The following HORMAD1 variants were observed in gnomAD, a reference collection of about 807,000 sequenced individuals.
The protein encoded by HORMAD1 is HORMA domain containing 1.
A neutral mutation model predicts 58.2 loss-of-function variants in HORMAD1; 33 were observed. The observed-to-expected ratio is 0.57, with a 90% CI of 0.43 to 0.76. HORMAD1 has a LOEUF of 0.76. HORMAD1 is among the 30% of genes least tolerant of loss of function. The pLI is 0.00. For missense variants in HORMAD1, 363 were observed against 462.0 expected, an observed-to-expected ratio of 0.79 and a Z score of 1.96; for synonymous variants, 137 against 144.6, an observed-to-expected ratio of 0.95 and a Z score of 0.38.
intron 14 of HORMAD1, among the ~76,000 whole-genome samples, chr1:150,699,577 T>C (rs1651474055): frequency 6.6e-6 from 1 of 151,940 alleles, no homozygotes. Context: ...CAGGCTGTAG[T>C]ACAGTGGCGC....
chr1:150,720,768 C>T (rs1231871308), intron 1 of HORMAD1, 36 bp downstream of exon 1: 1 of 152,162 alleles, frequency 6.6e-6, no homozygotes, highest in Non-Finnish European at 1.5e-5. Context: ...AATATACGCA[C>T]ACACACACAG....
intron 7 of HORMAD1, among the ~76,000 whole-genome samples, chr1:150,709,619 C>T (rs11204708): frequency 1.3e-5 from 2 of 148,846 alleles, no homozygotes; most frequent in Non-Finnish European, 3.0e-5. Context: ...CTGACCGTCC[C>T]CCAGCCCGAC....
rs1341426344 is a variant in HORMAD1 at position 150,717,250 on chromosome 1, A to C, written c.66T>G (p.Thr22=). 1.9e-6 allele frequency: 3 copies of C among 1,582,566 alleles called. No homozygotes were observed. The highest frequency in any genetic ancestry group is 2.7e-5 in the African/African-American group (2 of 73,852). Reference sequence around the variant, plus strand: ...TCACTAACACCAAAGACTGGTGTTCAGTTGATATCTTATTGGGAAATACCA... The same window carrying C: ...TCACTAACACCAAAGACTGGTGTTCCGTTGATATCTTATTGGGAAATACCA... ...SALVFPNKIS[T]EHQSLVLVKR... Residue 22 remains threonine, a synonymous_variant, in exon 3 of 15, where the codon ACT becomes ACG. Coordinates refer to ENST00000361824, the MANE Select transcript of HORMAD1 (RefSeq NM_032132.5).
intron 7 of HORMAD1, among the ~76,000 whole-genome samples, chr1:150,710,835 A>T (rs1203791915): frequency 6.6e-6 from 1 of 152,246 alleles, no homozygotes; most frequent in East Asian, 1.9e-4. Flanking sequence ...GTTATATTGT[A>T]ACAGCTATAG....
At chr1:150,707,525 A>G (rs1188214499) in intron 9 of HORMAD1, among the ~76,000 whole-genome samples, 1 of 152,192 alleles carries the variant, frequency 6.6e-6, no homozygotes, top group African/African-American at 2.4e-5. Context: ...TATATCTTCA[A>G]TATATTTTTC....
chr1:150,719,984 G>A (rs2101895238), intron 1 of HORMAD1, among the ~76,000 whole-genome samples: 2 of 152,236 alleles, frequency 1.3e-5, no homozygotes, highest in South Asian at 4.1e-4. Flanking sequence ...CGCGATCTCA[G>A]CTCACTGCAA....
chr1:150,705,612 GT>G (rs1292466975), intron 10 of HORMAD1, among the ~76,000 whole-genome samples: 1 of 152,056 alleles, frequency 6.6e-6, no homozygotes, highest in Non-Finnish European at 1.5e-5. Context: ...ATTGCAACAG[GT>G]TTAATGTCTA....
At chr1:150,706,900 C>A in intron 9 of HORMAD1, 91 bp from the exon 10 acceptor site, 1 of 1,099,156 alleles carries the variant, frequency 9.1e-7, no homozygotes. Context: ...GCAGGTATTT[C>A]AAATAGTATA....
At chr1:150,700,340 C>T (rs1256748073) in intron 13 of HORMAD1, among the ~76,000 whole-genome samples, 157 bp from the exon 14 acceptor site, 1 of 152,120 alleles carries the variant, frequency 6.6e-6, no homozygotes, top group African/African-American at 2.4e-5. Context: ...TGCAGTGGCA[C>T]CATCATGGCT....
intron 5 of HORMAD1, among the ~76,000 whole-genome samples, chr1:150,712,686 T>C (rs1651938045): frequency 6.6e-6 from 1 of 152,046 alleles, no homozygotes; most frequent in South Asian, 2.1e-4. Context: ...GTAACTGGGA[T>C]TACAGGCGCG....
At position 150,708,964 on chromosome 1, in the gene HORMAD1, T is replaced by A. The variant is rs758996198; in HGVS notation, c.328-3A>T. 5 of 1,397,294 alleles carry A rather than the reference T, an allele frequency of 3.6e-6. No individual in the cohort carries two copies. In the Admixed American group the frequency reaches 6.7e-5, roughly 19 times the overall value. 86.6% of individuals were successfully genotyped at this position (1,397,294 alleles called of 1,614,324 possible). A position where few individuals can be genotyped will look rare whatever the true frequency, so the allele number is the denominator to read the frequency against. ...AATTGGTAACATTCTGAAATTGTCT[T>A]AAATAGAAAATATCGCAGTTATGCT... On this transcript the variant is annotated splice_polypyrimidine_tract_variant and splice_region_variant and intron_variant, in intron 7 of 14. Transcript: ENST00000361824.
In HORMAD1 at chr1:150,706,768, C is replaced by T. The variant is rs756898392; in HGVS notation, c.589G>A (p.Asp197Asn). Residue 197 changes from aspartate to asparagine, a missense_variant, in exon 10 of 15, where the codon GAT (aspartate) becomes AAT (asparagine). This residue lies in a region of HORMAD1 where 226 missense variants were observed against 257.8 expected (regional missense o/e 0.88). Coordinates refer to ENST00000361824, the MANE Select transcript of HORMAD1 (RefSeq NM_032132.5). ...DYQPPGFKDGDCEGVIFEGEP... is the reference protein window; with the variant it reads ...DYQPPGFKDGNCEGVIFEGEP... ...CCTTCAAATATAACTCCTTCACAAT[C>T]ACCATCCTTAAAACCGGGAGGCTGG... 5.6e-6 allele frequency: 9 copies of T among 1,613,068 alleles called. 1 individual carries two copies. The South Asian group carries it at 9.9e-5, about 18-fold the overall frequency.
chr1:150,698,928 G>A, intron 14 of HORMAD1, 194 bp from the exon 15 acceptor site: 1 of 430,046 alleles, frequency 2.3e-6, no homozygotes, highest in South Asian at 5.0e-5. Flanking sequence ...GCTGCTGAAA[G>A]TATGTACTTG....
At chr1:150,710,206 C>T (rs992150942) in intron 7 of HORMAD1, among the ~76,000 whole-genome samples, 10 of 152,122 alleles carry the variant, frequency 6.6e-5, no homozygotes, top group Non-Finnish European at 1.2e-4. Context: ...GGGCAGGCCA[C>T]CCCTTCAGTT....
chr1:150,704,232 A>AT, intron 11 of HORMAD1, 38 bp from the exon 12 acceptor site: 1 of 1,567,890 alleles, frequency 6.4e-7, no homozygotes, highest in South Asian at 1.2e-5. Flanking sequence ...CGGGTATAAA[A>AT]TTGAGTTGGA....
chr1:150,706,330 A>G lies in HORMAD1; in HGVS notation c.804+223T>C, dbSNP rs1375517798. Among the ~76,000 whole-genome samples, 3 of 152,240 alleles carry G rather than the reference A, an allele frequency of 2.0e-5. No individual in the cohort carries two copies. In the East Asian group the frequency reaches 5.8e-4, roughly 29 times the overall value. On this transcript the variant is annotated intron_variant, in intron 10 of 14. Coordinates refer to ENST00000361824, the MANE Select transcript of HORMAD1 (RefSeq NM_032132.5). ...GGCAGAGCCTCCAGGAACATTCCCT[A>G]CTTCAACCAGAATAGTTGTGCTTTT...
intron 1 of HORMAD1, among the ~76,000 whole-genome samples, chr1:150,719,995 G>A (rs1304231639): frequency 6.6e-6 from 1 of 151,632 alleles, no homozygotes; most frequent in Non-Finnish European, 1.5e-5. Context: ...CTCACTGCAA[G>A]CTCCGCCTCC....
intron 10 of HORMAD1, among the ~76,000 whole-genome samples, chr1:150,706,280 T>C (rs932172954): frequency 1.3e-5 from 2 of 152,168 alleles, no homozygotes; most frequent in Non-Finnish European, 2.9e-5. Context: ...CAGAGTCCAC[T>C]AAGAAGGTAA....
chr1:150,714,477 T>G (rs1652008586), intron 4 of HORMAD1, 138 bp downstream of exon 4: 1 of 452,590 alleles, frequency 2.2e-6, no homozygotes, highest in Non-Finnish European at 4.0e-6. Context: ...GTGGAAAATT[T>G]AATGACCTAC....
Sources: gnomAD v4.1 joint callset for allele counts (sites outside exome capture counted in the v4.1 genomes callset) on GRCh38, gnomAD v4.1.1 for gene constraint, gnomAD v4.1.1 regional missense constraint, MANE v1.5 for transcripts, NCBI Gene and HGNC (gene_info 2026-07-23, HGNC 2026-07-21) for gene names.